OPCML: variants seen among roughly 807,000 people sequenced by gnomAD.
OPCML encodes opioid-binding protein/cell adhesion molecule.
In OPCML, 13 loss-of-function variants were observed where a neutral mutation model predicts 37.8. That is an observed-to-expected ratio of 0.34 (90% CI 0.22 to 0.55). The LOEUF is 0.55. OPCML is among the 20% of genes least tolerant of loss of function. OPCML has a pLI of 0.91. For missense variants in OPCML, 341 were observed against 435.6 expected, an observed-to-expected ratio of 0.78 and a Z score of 1.93; for synonymous variants, 176 against 168.8, an observed-to-expected ratio of 1.04 and a Z score of -0.33.
At chr11:133,094,127 G>A (rs1053156484) in intron 1 of OPCML, among the ~76,000 whole-genome samples, 3 of 152,120 alleles carry the variant, frequency 2.0e-5, no homozygotes, top group African/African-American at 4.8e-5. Flanking sequence ...ATATGCAGGT[G>A]CAGCTATAAT....
At chr11:132,424,830 C>T (rs1166136002) in intron 7 of OPCML, among the ~76,000 whole-genome samples, 1 of 152,164 alleles carries the variant, frequency 6.6e-6, no homozygotes, top group Admixed American at 6.5e-5. Context: ...TGCACACCTC[C>T]CTGTCCCTTT....
intron 1 of OPCML, among the ~76,000 whole-genome samples, chr11:133,023,297 C>T (rs1342303476): frequency 6.6e-6 from 1 of 152,198 alleles, no homozygotes; most frequent in Non-Finnish European, 1.5e-5. Context: ...TGCAGTGCAG[C>T]CAAGCAGTAC....
rs1793260 is a variant in OPCML, at chr11:132,659,314, T to C, written c.147-1995A>G. ...AAAAATATGATAAATTTATTCATTC[T>C]CAGTTGCAAATGACTGATAAGGGGA... is the stretch of plus-strand genomic sequence containing the variant. On this transcript the variant is annotated intron_variant, in intron 2 of 7. Coordinates refer to ENST00000524381, the MANE Select transcript of OPCML (RefSeq NM_001012393.5). Among the ~76,000 whole-genome samples, 862 of 152,344 alleles carry C rather than the reference T, an allele frequency of 5.7e-3. 3 individuals carry two copies. The highest frequency in any genetic ancestry group is 9.6e-3 in the Non-Finnish European group (650 of 68,030).
intron 2 of OPCML, among the ~76,000 whole-genome samples, chr11:132,869,777 G>A (rs963988013): frequency 1.3e-5 from 2 of 152,058 alleles, no homozygotes; most frequent in Admixed American, 6.6e-5. Context: ...ACATAAAGTG[G>A]GCCTCAGTGC....
intron 1 of OPCML, among the ~76,000 whole-genome samples, chr11:133,148,295 C>G (rs150203051): frequency 6.6e-6 from 1 of 152,278 alleles, no homozygotes; most frequent in East Asian, 1.9e-4. Context: ...CAAGCTTGCT[C>G]CCTCATGCCA....
At chr11:132,509,125 G>C (rs569365161) in intron 4 of OPCML, among the ~76,000 whole-genome samples, 1 of 152,240 alleles carries the variant, frequency 6.6e-6, no homozygotes, top group Non-Finnish European at 1.5e-5. Context: ...GGTGACTCTT[G>C]GTATGTTTCA....
chr11:133,044,272 A>G (rs1284784133), intron 1 of OPCML, among the ~76,000 whole-genome samples: 1 of 152,216 alleles, frequency 6.6e-6, no homozygotes, highest in Non-Finnish European at 1.5e-5. Context: ...GGGGTAAAAG[A>G]TAGTAAATGT....
At chr11:133,075,213 G>A (rs377765038) in intron 1 of OPCML, among the ~76,000 whole-genome samples, 3 of 152,212 alleles carry the variant, frequency 2.0e-5, no homozygotes, top group African/African-American at 4.8e-5. Flanking sequence ...AGAGGTGGCT[G>A]TAGGATCAAT....
intron 3 of OPCML, among the ~76,000 whole-genome samples, chr11:132,596,681 C>G (rs2096493051): frequency 6.6e-6 from 1 of 152,170 alleles, no homozygotes; most frequent in South Asian, 2.1e-4. Context: ...GTTACCTAAA[C>G]TGAACAGGGC....
At chr11:133,414,101 A>G (rs887753247) in intron 1 of OPCML, among the ~76,000 whole-genome samples, 2 of 152,108 alleles carry the variant, frequency 1.3e-5, no homozygotes, top group Non-Finnish European at 2.9e-5. Flanking sequence ...TTCAACAGTT[A>G]CTTACCTACA....
At chr11:133,009,556 G>A (rs993215960) in intron 1 of OPCML, among the ~76,000 whole-genome samples, 1 of 152,228 alleles carries the variant, frequency 6.6e-6, no homozygotes, top group Non-Finnish European at 1.5e-5. Flanking sequence ...AAGTTGGACA[G>A]TAGAAAGCAG....
chr11:132,839,621 C>G (rs918803553), intron 2 of OPCML, among the ~76,000 whole-genome samples: 1 of 152,156 alleles, frequency 6.6e-6, no homozygotes, highest in African/African-American at 2.4e-5. Flanking sequence ...GGCTGACCCA[C>G]CACACTGCTG....
chr11:132,546,709 C>A (rs1461588249), intron 3 of OPCML, among the ~76,000 whole-genome samples: 1 of 152,128 alleles, frequency 6.6e-6, no homozygotes, highest in Non-Finnish European at 1.5e-5. Context: ...CACCTTTTTG[C>A]ATCTATAACA....
Position 132,446,836 on chromosome 11 carries a change from C to T in OPCML, c.506-9477G>A, listed in dbSNP as rs144405236. 1.4e-3 allele frequency among the ~76,000 whole-genome samples: 208 copies of T among 152,204 alleles called. 1 individual carries two copies. The highest frequency in any genetic ancestry group is 4.9e-3 in the African/African-American group (205 of 41,538). ...AAGGAGACACTGCCTCTTTCATTTA[C>T]AATGTCTAAAGAAAGTTGCCTTAAC... is the stretch of plus-strand genomic sequence containing the variant. On this transcript the variant is annotated intron_variant, in intron 4 of 7. Transcript: ENST00000524381.
intron 2 of OPCML, among the ~76,000 whole-genome samples, chr11:132,910,147 A>G (rs1944377633): frequency 6.6e-6 from 1 of 152,234 alleles, no homozygotes; most frequent in Non-Finnish European, 1.5e-5. Context: ...TGCTTTCAAT[A>G]AGCTCGTTTC....
chr11:132,643,117 A>G (rs892262314), intron 3 of OPCML, among the ~76,000 whole-genome samples: 7 of 150,954 alleles, frequency 4.6e-5, no homozygotes, highest in Non-Finnish European at 7.4e-5. Flanking sequence ...TGTCTCTACT[A>G]AAAATACAAA....
chr11:133,445,609 G>A lies in OPCML; in HGVS notation c.61+86655C>T, dbSNP rs573087679. 5.9e-5 allele frequency among the ~76,000 whole-genome samples: 9 copies of A among 152,276 alleles called. No homozygotes were observed. In the East Asian group the frequency reaches 1.7e-3, roughly 29 times the overall value. On this transcript the variant is annotated intron_variant, in intron 1 of 7. Coordinates refer to ENST00000524381, the MANE Select transcript of OPCML (RefSeq NM_001012393.5). ...TAAGTTCTATCATCACTTTTCATCT[G>A]GAGAATGTGGTAAAATTTAACTTCA...
chr11:133,022,806 C>T (rs997813874), intron 1 of OPCML, among the ~76,000 whole-genome samples: 1 of 151,672 alleles, frequency 6.6e-6, no homozygotes, highest in Non-Finnish European at 1.5e-5. Context: ...CTAAACTAAT[C>T]CTTCCCTTCA....
rs532938351 is a variant in OPCML at position 133,239,173 on chromosome 11, C to T, written c.61+293091G>A. Reference sequence around the variant, plus strand: ...TAGATAATACTTTCTTTGGGAATTACCCGCTAACTTTGCAGGGCTTTCATG... The same window carrying T: ...TAGATAATACTTTCTTTGGGAATTATCCGCTAACTTTGCAGGGCTTTCATG... On this transcript the variant is annotated intron_variant, in intron 1 of 7. Coordinates refer to ENST00000524381, the MANE Select transcript of OPCML (RefSeq NM_001012393.5). Among the ~76,000 whole-genome samples the T allele has an allele frequency of 3.2e-4, 48 of 152,328 alleles. No individual in the cohort carries two copies. The South Asian group carries it at 7.3e-3, about 23-fold the overall frequency.
Sources: gnomAD v4.1 joint callset for allele counts (sites outside exome capture counted in the v4.1 genomes callset) on GRCh38, gnomAD v4.1.1 for gene constraint, MANE v1.5 for transcripts, NCBI Gene and HGNC (gene_info 2026-07-23, HGNC 2026-07-21) for gene names.